Variants in RALYL observed in about 807,000 individuals in gnomAD.
RALYL encodes RNA-binding Raly-like protein.
A neutral mutation model predicts 35.1 loss-of-function variants in RALYL; 29 were observed. The ratio of observed to expected loss-of-function variants is 0.83; its 90% CI spans 0.61 to 1.13. The LOEUF is 1.13. Among genes scored for constraint, RALYL ranks in the 50% most tolerant of loss-of-function variants. The probability of loss-of-function intolerance (pLI) is 0.00; values close to 1 mark genes in which losing one functional copy is unlikely to be tolerated. For missense variants in RALYL, 359 were observed against 360.4 expected, an observed-to-expected ratio of 1.00 and a Z score of 0.03; for synonymous variants, 120 against 127.6, an observed-to-expected ratio of 0.94 and a Z score of 0.40.
chr8:84,810,365 A>T (rs1182520833), intron 4 of RALYL, among the ~76,000 whole-genome samples: 1 of 151,952 alleles, frequency 6.6e-6, no homozygotes, highest in Non-Finnish European at 1.5e-5. Context: ...TATAATTTCA[A>T]TTTTCCTAAA....
At chr8:84,873,085 G>C (rs1332831021) in intron 6 of RALYL, 199 bp from the exon 7 acceptor site, 1 of 421,782 alleles carries the variant, frequency 2.4e-6, no homozygotes, top group African/African-American at 2.0e-5. Context: ...TCATGTCACT[G>C]AGAATCCGTA....
chr8:84,424,498 TC>T (rs1334138833), intron 1 of RALYL, among the ~76,000 whole-genome samples: 1 of 148,742 alleles, frequency 6.7e-6, no homozygotes, highest in African/African-American at 2.6e-5. Context: ...GGTTTGAATG[TC>T]CTTCCATAGC....
At chr8:84,310,280 C>T (rs113277074) in intron 1 of RALYL, among the ~76,000 whole-genome samples, 1 of 151,814 alleles carries the variant, frequency 6.6e-6, no homozygotes, top group African/African-American at 2.4e-5. Context: ...ACCTCGTGAT[C>T]CACCTGCCTC....
At chr8:84,402,330 T>C (rs919604637) in intron 1 of RALYL, among the ~76,000 whole-genome samples, 1 of 152,184 alleles carries the variant, frequency 6.6e-6, no homozygotes, top group African/African-American at 2.4e-5. Context: ...TAAGAACTCA[T>C]TGAGAGTACA....
Position 84,312,330 on chromosome 8 carries a change from T to C in RALYL, c.-24+127906T>C, listed in dbSNP as rs530317597. Among the ~76,000 whole-genome samples the C allele has an allele frequency of 7.2e-4, 110 of 152,280 alleles. 1 individual carries two copies. Among genetic ancestry groups the C allele is most frequent in the African/African-American group, 2.6e-3 (109 of 41,570 alleles). ...AGAGCAAAACCATATTATTCCACCTTGGCTCCTCTCAAATCTCATGTTCTT... is the reference window on the plus strand; with the variant it reads ...AGAGCAAAACCATATTATTCCACCTCGGCTCCTCTCAAATCTCATGTTCTT... On this transcript the variant is annotated intron_variant, in intron 1 of 8. Transcript: ENST00000521268.
At chr8:84,871,672 G>A (rs562334190) in intron 6 of RALYL, among the ~76,000 whole-genome samples, 190 of 152,106 alleles carry the variant, frequency 1.2e-3, no homozygotes, top group Middle Eastern at 6.8e-3. Context: ...TCTACTTTCA[G>A]TTTAGTCATT....
intron 1 of RALYL, among the ~76,000 whole-genome samples, chr8:84,341,092 TTGAC>T (rs1483449996): frequency 3.3e-5 from 5 of 152,080 alleles, no homozygotes; most frequent in South Asian, 2.1e-4. Flanking sequence ...CATATGCTTG[TTGAC>T]CATTTGTATG....
chr8:84,459,094 A>C (rs2050457629), intron 1 of RALYL, among the ~76,000 whole-genome samples: 1 of 151,820 alleles, frequency 6.6e-6, no homozygotes, highest in East Asian at 1.9e-4. Flanking sequence ...AATGCAAGCT[A>C]ATTTATAAAT....
At chr8:84,316,115 G>A (rs533297886) in intron 1 of RALYL, among the ~76,000 whole-genome samples, 4 of 152,118 alleles carry the variant, frequency 2.6e-5, no homozygotes, top group South Asian at 2.1e-4. Context: ...TAAAGCTCAC[G>A]TTTCCATCAG....
In RALYL at chr8:84,302,272, A is replaced by T. The variant is rs539410774; in HGVS notation, c.-24+117848A>T. 1.6e-4 allele frequency among the ~76,000 whole-genome samples: 25 copies of T among 152,226 alleles called. 1 individual carries two copies. The highest frequency in any genetic ancestry group is 6.8e-3 in the Middle Eastern group (2 of 294). On this transcript the variant is annotated intron_variant, in intron 1 of 8. Coordinates refer to ENST00000521268, the MANE Select transcript of RALYL (RefSeq NM_173848.7). Reference sequence around the variant, plus strand: ...TATCTAATACAGTGATCACTGAAAAATTTATTCTTGTTAAGTCAAAGACTT... The same window carrying T: ...TATCTAATACAGTGATCACTGAAAATTTTATTCTTGTTAAGTCAAAGACTT...
rs185158421 is a variant in RALYL, at chr8:84,462,504, A to G, written c.-23-66795A>G. Among the ~76,000 whole-genome samples the G allele has an allele frequency of 1.0e-4, 15 of 150,344 alleles. No individual in the cohort carries two copies. The East Asian group carries it at 2.9e-3, about 29-fold the overall frequency. The stretch of plus-strand genomic sequence containing the variant: ...GGTCACCTAGATTTTCTACTAGGTT[A>G]TCTTATAAGAGTTTTATACTTTTGC... On this transcript the variant is annotated intron_variant, in intron 1 of 8. Transcript: ENST00000521268.
At chr8:84,722,284 A>T (rs1051238943) in intron 2 of RALYL, among the ~76,000 whole-genome samples, 3 of 151,124 alleles carry the variant, frequency 2.0e-5, no homozygotes, top group Admixed American at 6.6e-5. Context: ...TTGGTAATTT[A>T]AAAAAAAAGA....
chr8:84,669,983 A>G (rs996047839), intron 2 of RALYL, among the ~76,000 whole-genome samples: 1 of 152,174 alleles, frequency 6.6e-6, no homozygotes, highest in South Asian at 2.1e-4. Context: ...CTTTCTTAAT[A>G]TAGTCTCAAA....
chr8:84,754,270 G>C (rs914125007), intron 2 of RALYL, among the ~76,000 whole-genome samples: 5 of 151,946 alleles, frequency 3.3e-5, no homozygotes, highest in Non-Finnish European at 7.4e-5. Context: ...AAAAAAATGT[G>C]AGAATAGACT....
intron 1 of RALYL, among the ~76,000 whole-genome samples, chr8:84,215,594 A>G (rs550212397): frequency 2.6e-4 from 39 of 151,632 alleles, no homozygotes; most frequent in Non-Finnish European, 5.0e-4. Context: ...TGCAATTTAC[A>G]TCTTCATTTT....
intron 1 of RALYL, among the ~76,000 whole-genome samples, chr8:84,235,650 A>T (rs371972717): frequency 4.6e-5 from 7 of 152,200 alleles, no homozygotes; most frequent in African/African-American, 1.7e-4. Context: ...TCAACACAGC[A>T]TTGGATAGTT....
chr8:84,863,580 T>C lies in RALYL; in HGVS notation c.571+1127T>C, dbSNP rs189481388. Among the ~76,000 whole-genome samples, 570 of 152,314 alleles carry C rather than the reference T, an allele frequency of 3.7e-3. 6 individuals carry two copies. The highest frequency in any genetic ancestry group is 0.013 in the African/African-American group (543 of 41,574). ...TAAACACAGAAAGTCATATAGCTAA[T>C]AGACATAGTAGAGTCTCTTAGTTCT... On this transcript the variant is annotated intron_variant, in intron 6 of 8. Coordinates refer to ENST00000521268, the MANE Select transcript of RALYL (RefSeq NM_173848.7).
chr8:84,900,239 C>G (rs1458362313), intron 8 of RALYL, among the ~76,000 whole-genome samples: 3 of 151,786 alleles, frequency 2.0e-5, no homozygotes, highest in Non-Finnish European at 2.9e-5. Context: ...TTTAAATATA[C>G]AAAAATAGGA....
At chr8:84,608,294 C>T (rs771574815) in intron 2 of RALYL, among the ~76,000 whole-genome samples, 5 of 151,996 alleles carry the variant, frequency 3.3e-5, no homozygotes, top group Non-Finnish European at 5.9e-5. Flanking sequence ...AGAACTTGGA[C>T]GTATGGGCCA....
Sources: allele counts gnomAD v4.1 joint callset (sites outside exome capture counted in the v4.1 genomes callset), GRCh38; gene constraint gnomAD v4.1.1; transcripts MANE v1.5; gene names NCBI Gene and HGNC (gene_info 2026-07-23, HGNC 2026-07-21).